The following CDH12 variants were observed in gnomAD, a reference collection of about 807,000 sequenced individuals.
CDH12 encodes cadherin 12.
Under a neutral mutation model 74.1 loss-of-function variants are expected in CDH12, and 41 were observed. The observed-to-expected ratio is 0.55, with a 90% CI of 0.43 to 0.72. CDH12 has a LOEUF of 0.72. Among genes scored for constraint, CDH12 ranks in the 30% least tolerant of loss-of-function variants. The pLI is 0.00. For missense variants in CDH12, 945 were observed against 977.2 expected, an observed-to-expected ratio of 0.97 and a Z score of 0.44; for synonymous variants, 399 against 355.0, an observed-to-expected ratio of 1.12 and a Z score of -1.39.
chr5:22,059,253 C>CTCTCTCTA (rs1740986107), intron 5 of CDH12, among the ~76,000 whole-genome samples: 1 of 144,216 alleles, frequency 6.9e-6, no homozygotes, highest in Non-Finnish European at 1.5e-5. Context: ...TTTCCTTGTA[C>CTCTCTCTA]TCTATCTATC....
At chr5:21,770,175 G>T (rs565513699) in intron 11 of CDH12, among the ~76,000 whole-genome samples, 2 of 152,130 alleles carry the variant, frequency 1.3e-5, no homozygotes, top group Non-Finnish European at 2.9e-5. Flanking sequence ...ATTGTACCTC[G>T]TAGATGTGTT....
chr5:22,045,555 G>A (rs912757446), intron 5 of CDH12, among the ~76,000 whole-genome samples: 30 of 149,720 alleles, frequency 2.0e-4, no homozygotes, highest in African/African-American at 6.6e-4. Flanking sequence ...TTGAATCAAA[G>A]GGTAAAGAAA....
chr5:22,580,660 C>A, intron 1 of CDH12: 2 of 432,230 alleles, frequency 4.6e-6, no homozygotes, highest in South Asian at 1.9e-5. Flanking sequence ...ACAGCCTGAA[C>A]AAAGAAGTGT....
intron 1 of CDH12, among the ~76,000 whole-genome samples, chr5:22,645,790 C>T (rs1038547171): frequency 6.6e-6 from 1 of 151,968 alleles, no homozygotes; most frequent in African/African-American, 2.4e-5. Flanking sequence ...CATCCATCAA[C>T]AATGAGTCAA....
intron 4 of CDH12, among the ~76,000 whole-genome samples, chr5:22,204,580 C>A (rs569589115): frequency 7.0e-4 from 106 of 152,308 alleles, no homozygotes; most frequent in Non-Finnish European, 1.3e-3. Context: ...TCTGAAAATT[C>A]TTTAATGAGT....
chr5:21,850,833 GT>G (rs966201483), intron 7 of CDH12, among the ~76,000 whole-genome samples: 4 of 150,812 alleles, frequency 2.7e-5, no homozygotes, highest in South Asian at 4.2e-4. Flanking sequence ...TCACTCAATT[GT>G]TTTTTTTAAT....
intron 1 of CDH12, among the ~76,000 whole-genome samples, chr5:22,803,170 G>A (rs377181144): frequency 1.2e-4 from 18 of 152,176 alleles, no homozygotes; most frequent in East Asian, 3.9e-4. Flanking sequence ...AAAAGACTGC[G>A]TTTATAAAAG....
At chr5:22,530,872 T>G (rs1580738462) in intron 1 of CDH12, among the ~76,000 whole-genome samples, 1 of 152,094 alleles carries the variant, frequency 6.6e-6, no homozygotes, top group African/African-American at 2.4e-5. Flanking sequence ...ACCTAGATTT[T>G]TTCTTAAAAA....
At chr5:22,164,345 A>C (rs1481720406) in intron 4 of CDH12, among the ~76,000 whole-genome samples, 1 of 152,126 alleles carries the variant, frequency 6.6e-6, no homozygotes, top group African/African-American at 2.4e-5. Context: ...ATTAGGATGA[A>C]CCCAGGCACT....
At chr5:21,852,319 T>G (rs976378324) in intron 7 of CDH12, among the ~76,000 whole-genome samples, 13 of 151,346 alleles carry the variant, frequency 8.6e-5, no homozygotes, top group Non-Finnish European at 1.9e-4. Flanking sequence ...ACAGAATTGT[T>G]TCACTCTTCG....
intron 3 of CDH12, among the ~76,000 whole-genome samples, chr5:22,244,802 A>AAGAG (rs1159642087): frequency 0.025 from 1,652 of 65,658 alleles, 30 homozygotes; most frequent in East Asian, 0.037. Flanking sequence ...GAAAGAAAGA[A>AAGAG]AAATTCAAAG....
At chr5:22,318,206 G>A (rs919764681) in intron 3 of CDH12, among the ~76,000 whole-genome samples, 2 of 152,244 alleles carry the variant, frequency 1.3e-5, no homozygotes, top group South Asian at 2.1e-4. Flanking sequence ...TAGCCAGTGG[G>A]AAGAAATGAA....
rs551817687 is a variant in CDH12 at position 22,666,211 on chromosome 5, T to C, written c.-522-160847A>G. Among the ~76,000 whole-genome samples the C allele has an allele frequency of 3.7e-3, 556 of 152,036 alleles. 2 individuals carry two copies. Among genetic ancestry groups the C allele is most frequent in the Admixed American group, 6.0e-3 (92 of 15,252 alleles). ...ACACCCTTTTTTAAGTCACCACCTA[T>C]GTCTAATCTATTCTCACAGTCTGGC... On this transcript the variant is annotated intron_variant, in intron 1 of 14. Coordinates refer to ENST00000382254, the MANE Select transcript of CDH12 (RefSeq NM_004061.5).
At chr5:22,650,087 T>C (rs1006202436) in intron 1 of CDH12, among the ~76,000 whole-genome samples, 2 of 152,028 alleles carry the variant, frequency 1.3e-5, no homozygotes, top group East Asian at 3.9e-4. Context: ...TGTAATTATG[T>C]AAAGGCTAAA....
intron 1 of CDH12, among the ~76,000 whole-genome samples, chr5:22,698,093 A>T (rs540499160): frequency 1.4e-5 from 2 of 141,098 alleles, no homozygotes; most frequent in Non-Finnish European, 3.0e-5. Flanking sequence ...GATAGGTTAC[A>T]TTCCCTTAAT....
At chr5:22,825,560 G>A (rs931991837) in intron 1 of CDH12, among the ~76,000 whole-genome samples, 3 of 152,180 alleles carry the variant, frequency 2.0e-5, no homozygotes, top group African/African-American at 7.2e-5. Context: ...AGCAAAGGCT[G>A]CTTGGCCAAA....
chr5:22,138,402 A>G (rs1580308438), intron 4 of CDH12, among the ~76,000 whole-genome samples: 1 of 151,778 alleles, frequency 6.6e-6, no homozygotes, highest in East Asian at 1.9e-4. Flanking sequence ...TTCAGAACAC[A>G]CAAGTAGGTA....
intron 3 of CDH12, among the ~76,000 whole-genome samples, chr5:22,344,872 G>A (rs1469191459): frequency 2.0e-5 from 3 of 152,118 alleles, no homozygotes; most frequent in African/African-American, 4.8e-5. Context: ...ATGTGTGTAT[G>A]TCTGTGAGTA....
intron 13 of CDH12, among the ~76,000 whole-genome samples, chr5:21,759,587 AAG>A (rs1744600313): frequency 6.6e-6 from 1 of 152,152 alleles, no homozygotes; most frequent in Non-Finnish European, 1.5e-5. Flanking sequence ...TGTATACATT[AAG>A]AATCTGTCAT....
Sources: gnomAD v4.1 joint callset for allele counts (sites outside exome capture counted in the v4.1 genomes callset) on GRCh38, gnomAD v4.1.1 for gene constraint, MANE v1.5 for transcripts, NCBI Gene and HGNC (gene_info 2026-07-23, HGNC 2026-07-21) for gene names.